The following IL1RAPL2 variants were observed in gnomAD, a reference collection of about 807,000 sequenced individuals.
IL1RAPL2 encodes the protein X-linked interleukin-1 receptor accessory protein-like 2.
In IL1RAPL2, 3 loss-of-function variants were observed where a neutral mutation model predicts 44.1. That is an observed-to-expected ratio of 0.07 (90% CI 0.03 to 0.18). The LOEUF is 0.18. Ranked by LOEUF, IL1RAPL2 falls within the 10% of genes least tolerant of loss-of-function variation. The pLI, the probability that IL1RAPL2 is intolerant of heterozygous loss-of-function variation, is 1.00. For missense variants in IL1RAPL2, 391 were observed against 496.4 expected (o/e 0.79, Z 2.02); for synonymous variants, 181 against 178.8 (o/e 1.01, Z -0.10).
chrX:105,011,363 A>G (rs972127827), intron 2 of IL1RAPL2, among the ~76,000 whole-genome samples: 3 of 111,301 alleles, frequency 2.7e-5, no homozygotes, highest in Non-Finnish European at 3.8e-5. Flanking sequence ...TTCTTTAAAA[A>G]CAAAATTTAT....
intron 6 of IL1RAPL2, among the ~76,000 whole-genome samples, chrX:105,697,226 CATATCA>C (rs1431375956): frequency 9.5e-6 from 1 of 104,768 alleles, no homozygotes; most frequent in Non-Finnish European, 1.9e-5. Context: ...TTGGGGTTCA[CATATCA>C]ACATGAGATT....
At chrX:104,818,160 C>T (rs1396826010) in intron 2 of IL1RAPL2, among the ~76,000 whole-genome samples, 4 of 108,239 alleles carry the variant, frequency 3.7e-5, no homozygotes, top group South Asian at 4.1e-4. Context: ...ATCGAGACCA[C>T]GGTGAAACCC....
At chrX:105,747,470 C>A (rs2038553476) in intron 8 of IL1RAPL2, among the ~76,000 whole-genome samples, 1 of 86,143 alleles carries the variant, frequency 1.2e-5, no homozygotes, top group African/African-American at 5.1e-5. Flanking sequence ...CTCTCTCTCT[C>A]TCTCTCTCTC....
intron 5 of IL1RAPL2, among the ~76,000 whole-genome samples, chrX:105,383,243 C>G (rs1196840418): frequency 9.0e-6 from 1 of 110,838 alleles, no homozygotes; most frequent in Non-Finnish European, 1.9e-5. Context: ...TTAACCAACC[C>G]CTCTTTATTC....
At chrX:105,090,615 C>A (rs2032533516) in intron 2 of IL1RAPL2, among the ~76,000 whole-genome samples, 1 of 112,229 alleles carries the variant, frequency 8.9e-6, no homozygotes, top group East Asian at 2.8e-4. Context: ...ACCTCAACTT[C>A]TCTTAGAGCC....
At chrX:104,766,410 TCTTCCCTC>T (rs760464959) in intron 2 of IL1RAPL2, among the ~76,000 whole-genome samples, 68 of 109,006 alleles carry the variant, frequency 6.2e-4, no homozygotes, top group Non-Finnish European at 1.2e-3. Context: ...TGCCTGCCTT[TCTTCCCTC>T]CTTCCCTCCT....
chrX:104,909,871 T>G (rs932688537), intron 2 of IL1RAPL2, among the ~76,000 whole-genome samples: 3 of 112,483 alleles, frequency 2.7e-5, no homozygotes, highest in African/African-American at 3.2e-5. Context: ...TGAGCTGTGG[T>G]GGGCTCCACC....
intron 3 of IL1RAPL2, among the ~76,000 whole-genome samples, chrX:105,232,188 T>C (rs1305026848): frequency 9.0e-6 from 1 of 111,715 alleles, no homozygotes; most frequent in Non-Finnish European, 1.9e-5. Context: ...TTGCCAGAAA[T>C]TAACTTTACC....
At chrX:105,413,861 T>C (rs752822453) in intron 5 of IL1RAPL2, among the ~76,000 whole-genome samples, 96 of 112,350 alleles carry the variant, frequency 8.5e-4, no homozygotes, top group Non-Finnish European at 1.5e-3. Flanking sequence ...AAATGAGATG[T>C]GCTGTATATG....
rs563453590 is a variant in IL1RAPL2, at chrX:105,692,594, C to T, written c.773-24773C>T. ...AGACAGACATGTACTCAGATAATTA[C>T]AAAGCAATATTCAATAACAAAAGCT... is the stretch of plus-strand genomic sequence containing the variant. On this transcript the variant is annotated intron_variant, in intron 6 of 10. Coordinates refer to ENST00000372582, the MANE Select transcript of IL1RAPL2 (RefSeq NM_017416.2). 4.7e-5 allele frequency among the ~76,000 whole-genome samples: 5 copies of T among 106,127 alleles called. No homozygotes were observed. In the South Asian group the frequency reaches 2.1e-3, roughly 44 times the overall value. The allele number at this position is 106,127 out of a possible 115,157, so 92.2% of individuals were successfully genotyped here. A position where few individuals can be genotyped will look rare whatever the true frequency, so the allele number is the denominator to read the frequency against.
intron 5 of IL1RAPL2, among the ~76,000 whole-genome samples, chrX:105,281,998 A>G (rs978809048): frequency 6.3e-5 from 7 of 111,686 alleles, no homozygotes; most frequent in African/African-American, 2.3e-4. Context: ...AAAAAAATAG[A>G]AAGTTAACTA....
chrX:105,153,500 A>C (rs1018484242), intron 2 of IL1RAPL2, among the ~76,000 whole-genome samples: 1 of 111,943 alleles, frequency 8.9e-6, no homozygotes, highest in Admixed American at 9.5e-5. Flanking sequence ...GATTTTAATC[A>C]ATTTAAATAG....
At position 104,896,927 on chromosome X, in the gene IL1RAPL2, G is replaced by A. The variant is rs1028008656; in HGVS notation, c.82+237932G>A. On this transcript the variant is annotated intron_variant, in intron 2 of 10. Coordinates refer to ENST00000372582, the MANE Select transcript of IL1RAPL2 (RefSeq NM_017416.2). ...CTTTAAGAGCTGTAACACACCCTGCGAAAGTCTGCGGCTTCACTCCTGAAA... is the reference window on the plus strand; with the variant it reads ...CTTTAAGAGCTGTAACACACCCTGCAAAAGTCTGCGGCTTCACTCCTGAAA... Among the ~76,000 whole-genome samples, 6 of 111,189 alleles carry A rather than the reference G, an allele frequency of 5.4e-5. No homozygotes were observed. The East Asian group carries it at 8.5e-4, about 16-fold the overall frequency.
rs750464658 is a variant in IL1RAPL2, at chrX:104,932,427, CAT to C, written c.83-263047_83-263046del. 3.6e-3 allele frequency among the ~76,000 whole-genome samples: 407 copies of C among 111,915 alleles called. 1 individual carries two copies. Among genetic ancestry groups the C allele is most frequent in the Non-Finnish European group, 5.0e-3 (267 of 53,177 alleles). ...AAAATCACACATACACACACACACA[CAT>C]GATGAAAGATCTTTCAAGTTCATTA... is the stretch of plus-strand genomic sequence containing the variant. On this transcript the variant is annotated intron_variant, in intron 2 of 10. Coordinates refer to ENST00000372582, the MANE Select transcript of IL1RAPL2 (RefSeq NM_017416.2).
chrX:105,206,920 G>A (rs1046648992), intron 3 of IL1RAPL2, among the ~76,000 whole-genome samples: 3 of 111,435 alleles, frequency 2.7e-5, no homozygotes, highest in Non-Finnish European at 5.7e-5. Flanking sequence ...GACTCGTGAT[G>A]AATCAATTAG....
intron 6 of IL1RAPL2, among the ~76,000 whole-genome samples, chrX:105,713,842 A>T (rs1201904090): frequency 1.8e-5 from 2 of 111,702 alleles, no homozygotes; most frequent in Non-Finnish European, 3.8e-5. Flanking sequence ...TCTTCTAAAG[A>T]TGCCTTTTCA....
At chrX:105,529,571 T>G (rs1254315284) in intron 6 of IL1RAPL2, among the ~76,000 whole-genome samples, 1 of 111,509 alleles carries the variant, frequency 9.0e-6, no homozygotes, top group Non-Finnish European at 1.9e-5. Flanking sequence ...GTACAAATCT[T>G]AAGTGTACAG....
intron 2 of IL1RAPL2, among the ~76,000 whole-genome samples, chrX:105,063,819 G>C (rs776042706): frequency 8.9e-6 from 1 of 111,890 alleles, no homozygotes; most frequent in Admixed American, 9.4e-5. Context: ...TGGTGGTCTT[G>C]GATAAGATCC....
chrX:105,233,065 C>T (rs1206068512), intron 3 of IL1RAPL2, among the ~76,000 whole-genome samples: 1 of 111,806 alleles, frequency 8.9e-6, no homozygotes, highest in Non-Finnish European at 1.9e-5. Context: ...GGGCGGATCA[C>T]GAGGTCAGCA....
Sources: allele counts gnomAD v4.1 joint callset (sites outside exome capture counted in the v4.1 genomes callset), GRCh38; gene constraint gnomAD v4.1.1; transcripts MANE v1.5; gene names NCBI Gene and HGNC (gene_info 2026-07-23, HGNC 2026-07-21).